Variants in BNIP1 observed in about 807,000 individuals in gnomAD.
BNIP1 encodes BCL2 interacting protein 1.
Under a neutral mutation model 28.5 loss-of-function variants are expected in BNIP1, and 25 were observed. The observed-to-expected ratio is 0.88, with a 90% CI of 0.64 to 1.23. The LOEUF is 1.23. Among genes scored for constraint, BNIP1 ranks in the 50% most tolerant of loss-of-function variants. The pLI is 0.00. For synonymous variants in BNIP1, 118 were observed against 101.7 expected (o/e 1.16, Z -0.96); for missense variants, 276 against 277.0 (o/e 1.00, Z 0.02).
intron 1 of BNIP1, among the ~76,000 whole-genome samples, chr5:173,145,350 G>A (rs1471610059): frequency 6.6e-6 from 1 of 152,038 alleles, no homozygotes; most frequent in Non-Finnish European, 1.5e-5. Context: ...GTGTAGACAC[G>A]GTTCCATGAG....
chr5:173,151,453 C>A, intron 2 of BNIP1: 1 of 1,091,670 alleles, frequency 9.2e-7, no homozygotes, highest in Non-Finnish European at 1.3e-6. Flanking sequence ...AACTCCTGGA[C>A]TCAAGTGATT....
chr5:173,151,632 C>T (rs1760023759), intron 2 of BNIP1: 2 of 1,613,270 alleles, frequency 1.2e-6, no homozygotes, highest in Non-Finnish European at 1.7e-6. Flanking sequence ...AACTTATTCC[C>T]TGACAGACTT....
chr5:173,158,252 A>G (rs1274313861), intron 3 of BNIP1, among the ~76,000 whole-genome samples: 1 of 152,116 alleles, frequency 6.6e-6, no homozygotes, highest in Non-Finnish European at 1.5e-5. Flanking sequence ...TTTCCTACAA[A>G]GTATATTAAC....
At chr5:173,144,770 C>T (rs909424794) in intron 1 of BNIP1, 141 bp downstream of exon 1, 184 of 846,050 alleles carry the variant, frequency 2.2e-4, no homozygotes, top group Admixed American at 9.6e-4. Context: ...GGCTACCCCC[C>T]CGGTCCCCAT....
At chr5:173,151,830 A>AT (rs1760032064) in intron 2 of BNIP1, 1 of 1,304,918 alleles carries the variant, frequency 7.7e-7, no homozygotes, top group Admixed American at 2.6e-5. Context: ...TAATAAGCAC[A>AT]TGGCCAGTAA....
chr5:173,151,599 G>A, intron 2 of BNIP1: 1 of 1,604,494 alleles, frequency 6.2e-7, no homozygotes, highest in Non-Finnish European at 8.5e-7. Flanking sequence ...TATTTGGACT[G>A]CTTCCACATT....
chr5:173,163,646 G>A lies in BNIP1; in HGVS notation c.491-79G>A, dbSNP rs1760426900. On this transcript the variant is annotated intron_variant, in intron 5 of 5. Transcript: ENST00000351486. ...CACTTGAGAATGCTGGTTTTTATCA[G>A]CACCCCAGCCAGCAGAGTGAGGTCT... 2.3e-6 allele frequency: 3 copies of A among 1,333,094 alleles called. No homozygotes were observed. The East Asian group carries it at 7.1e-5, about 32-fold the overall frequency. The allele number at this position is 1,333,094 out of a possible 1,614,324, so 82.6% of individuals were successfully genotyped here.
chr5:173,146,683 A>G (rs1451150785), intron 1 of BNIP1, among the ~76,000 whole-genome samples, 183 bp from the exon 2 acceptor site: 1 of 152,228 alleles, frequency 6.6e-6, no homozygotes, highest in Non-Finnish European at 1.5e-5. Flanking sequence ...TCTAAAAAGG[A>G]ATGAGAAAAA....
rs773861667 is a variant in BNIP1 at position 173,154,433 on chromosome 5, G to A, written c.269+20G>A. ...GCTCAGGTAGGCAGGGCCTGCCCCC[G>A]CCAGCGGCTTCTGCTGGCTCTTCTT... On this transcript the variant is annotated intron_variant, in intron 3 of 5. Coordinates refer to ENST00000351486, the MANE Select transcript of BNIP1 (RefSeq NM_001205.3). 58 of 1,595,964 alleles carry A rather than the reference G, an allele frequency of 3.6e-5. No homozygotes were observed. The Admixed American group carries it at 6.0e-4, about 17-fold the overall frequency.
intron 2 of BNIP1, among the ~76,000 whole-genome samples, chr5:173,153,904 A>G (rs5745134): frequency 0.015 from 2,243 of 152,322 alleles, 36 homozygotes; most frequent in Non-Finnish European, 0.025. Flanking sequence ...CTTTAATTAA[A>G]TAGGCACAGA....
intron 5 of BNIP1, chr5:173,160,835 A>C: frequency 4.4e-6 from 2 of 456,248 alleles, no homozygotes; most frequent in South Asian, 1.5e-5. Context: ...TCCTTTTAAA[A>C]GATGTGAATC....
chr5:173,161,368 A>G (rs1346660293), intron 5 of BNIP1: 1 of 152,898 alleles, frequency 6.5e-6, no homozygotes, highest in Non-Finnish European at 1.5e-5. Context: ...GCTCGGAACC[A>G]GCCAGGGGCT....
chr5:173,156,959 C>CA lies in BNIP1; in HGVS notation c.270-1775dup, dbSNP rs1168931731. ...GCACCGTGCCCAGCCGACCCTGTCT[C>CA]AAAAAAAAAACAAAAAAAACAAAAA... On this transcript the variant is annotated intron_variant, in intron 3 of 5. Coordinates refer to ENST00000351486, the MANE Select transcript of BNIP1 (RefSeq NM_001205.3). Among the ~76,000 whole-genome samples the CA allele has an allele frequency of 3.1e-3, 431 of 139,522 alleles. 6 individuals are homozygous for CA. The highest frequency in any genetic ancestry group is 0.027 in the East Asian group (131 of 4,878). 91.5% of individuals were successfully genotyped at this position (139,522 alleles called of 152,430 possible).
chr5:173,163,853 C>T lies in BNIP1; in HGVS notation c.619C>T (p.Leu207Phe), dbSNP rs1230003408. The change falls in exon 6 of 6, where the codon CTT (leucine) becomes TTT (phenylalanine). Residue 207 changes from leucine (L) to phenylalanine (F), a missense_variant. Transcript: ENST00000351486. ...RELTDKLLIF[L>F]ALALFLATVL... ...GCTGACGGACAAGCTTCTCATCTTC[C>T]TTGCGCTAGCCCTGTTTCTTGCTAC... The T allele has an allele frequency of 6.2e-6, 10 of 1,614,120 alleles. No individual in the cohort carries two copies. The highest frequency in any genetic ancestry group is 8.5e-6 in the Non-Finnish European group (10 of 1,180,000).
At chr5:173,154,729 G>T (rs5745138) in intron 3 of BNIP1, among the ~76,000 whole-genome samples, 137 of 152,192 alleles carry the variant, frequency 9.0e-4, no homozygotes, top group Non-Finnish European at 9.4e-4. Flanking sequence ...CGCTGTGTTG[G>T]CCAGGCTGGT....
At chr5:173,148,062 C>CA (rs1167169755) in intron 2 of BNIP1, among the ~76,000 whole-genome samples, 61 of 4,484 alleles carry the variant, frequency 0.014, 20 homozygotes, top group South Asian at 0.022. Context: ...GACTCTGTGT[C>CA]AAAAAAAAAA....
At chr5:173,148,073 AAAAAAAAAAAATATATATATAT>A in intron 2 of BNIP1, among the ~76,000 whole-genome samples, 1 of 46,420 alleles carries the variant, frequency 2.2e-5, no homozygotes, top group African/African-American at 1.0e-4. Context: ...AAAAAAAAAA[AAAAAAAAAAAATATATATATAT>A]ATATATATAT....
Position 173,158,757 on chromosome 5 carries a change from T to C in BNIP1, c.283T>C (p.Trp95Arg). ...KKQMLSNQASWRKANLTCKIA... is the reference protein window; with the variant it reads ...KKQMLSNQASRRKANLTCKIA... ...TTCCAATTCCAGCAATCAGGCCTCA[T>C]GGAGGAAAGCTAATCTCACCTGCAA... Residue 95 changes from tryptophan to arginine, a missense_variant, in exon 4 of 6, where the codon TGG becomes CGG. Coordinates refer to ENST00000351486, the MANE Select transcript of BNIP1 (RefSeq NM_001205.3). 2 of 1,613,896 alleles carry C rather than the reference T, an allele frequency of 1.2e-6. No homozygotes were observed. The highest frequency in any genetic ancestry group is 1.7e-6 in the Non-Finnish European group (2 of 1,179,906).
At position 173,163,817 on chromosome 5, in the gene BNIP1, A is replaced by T; in HGVS notation, c.583A>T (p.Asn195Tyr). 1 of 1,613,916 alleles carries T rather than the reference A, an allele frequency of 6.2e-7. No homozygotes were observed. The highest frequency in any genetic ancestry group is 2.2e-5 in the East Asian group (1 of 44,882). Residue 195 changes from asparagine to tyrosine, a missense_variant, in exon 6 of 6, where the codon AAT becomes TAT. Transcript: ENST00000351486. ...GGGCCGGAAGCTTATCACAAAATAC[A>T]ATCGCCGGGAGCTGACGGACAAGCT... ...QLGRKLITKYNRRELTDKLLI... is the reference protein window; with the variant it reads ...QLGRKLITKYYRRELTDKLLI...
Sources: allele counts gnomAD v4.1 joint callset (sites outside exome capture counted in the v4.1 genomes callset), GRCh38; gene constraint gnomAD v4.1.1; transcripts MANE v1.5; gene names NCBI Gene and HGNC (gene_info 2026-07-23, HGNC 2026-07-21).